VEGFD: variants seen among roughly 807,000 people sequenced by gnomAD.
VEGFD encodes the protein vascular endothelial growth factor D.
Under a neutral mutation model 28.0 loss-of-function variants are expected in VEGFD, and 26 were observed. The observed-to-expected ratio is 0.93, with a 90% confidence interval of 0.68 to 1.29. The LOEUF (loss-of-function observed/expected upper bound fraction) is 1.29. VEGFD is among the 50% of genes most tolerant of loss of function. The pLI, the probability that VEGFD is intolerant of heterozygous loss-of-function variation, is 0.00. For missense variants in VEGFD, 294 were observed against 273.4 expected (o/e 1.08, Z -0.53); for synonymous variants, 93 against 95.5 (o/e 0.97, Z 0.15).
intron 5 of VEGFD, among the ~76,000 whole-genome samples, chrX:15,347,941 T>G (rs1353351770): frequency 4.4e-5 from 5 of 112,532 alleles, no homozygotes; most frequent in African/African-American, 1.6e-4. Flanking sequence ...GTTTTTGACA[T>G]ACTCATCTGA....
intron 1 of VEGFD, among the ~76,000 whole-genome samples, chrX:15,378,799 T>A (rs1923497758): frequency 8.9e-6 from 1 of 111,908 alleles, no homozygotes; most frequent in Non-Finnish European, 1.9e-5. Flanking sequence ...TGAAACAATT[T>A]TTTTTTTAAT....
intron 2 of VEGFD, among the ~76,000 whole-genome samples, chrX:15,359,391 TTTTAC>T (rs1290312118): frequency 5.9e-5 from 6 of 102,124 alleles, no homozygotes; most frequent in Non-Finnish European, 1.2e-4. Context: ...TTTTAGCTTA[TTTTAC>T]TTTAAGTTCT....
At chrX:15,366,056 G>C (rs1054410906) in intron 1 of VEGFD, among the ~76,000 whole-genome samples, 4 of 111,812 alleles carry the variant, frequency 3.6e-5, no homozygotes, top group Non-Finnish European at 7.5e-5. Context: ...GCCCAGGCTA[G>C]AGTGCAGTGG....
chrX:15,380,201 A>G (rs1440185228), intron 1 of VEGFD, among the ~76,000 whole-genome samples: 4 of 112,710 alleles, frequency 3.5e-5, no homozygotes, highest in Non-Finnish European at 7.5e-5. Context: ...AAGTCAATGG[A>G]CTTCCCTGTA....
intron 2 of VEGFD, among the ~76,000 whole-genome samples, chrX:15,360,615 G>A (rs777082879): frequency 3.5e-4 from 39 of 111,547 alleles, no homozygotes; most frequent in African/African-American, 1.2e-3. Context: ...GGGATTAAAG[G>A]CGTGAGCCAC....
chrX:15,365,995 AGTTT>A (rs569822664), intron 1 of VEGFD, among the ~76,000 whole-genome samples: 88 of 109,171 alleles, frequency 8.1e-4, no homozygotes, highest in African/African-American at 1.2e-3. Context: ...TATTCTTCCT[AGTTT>A]GTTTGTTTGT....
chrX:15,363,029 C>T (rs919467075), intron 2 of VEGFD, 80 bp downstream of exon 2: 91 of 942,310 alleles, frequency 9.7e-5, no homozygotes, highest in East Asian at 6.6e-4. Context: ...GTCTGCCCTA[C>T]GCAGACTTTT....
intron 5 of VEGFD, among the ~76,000 whole-genome samples, chrX:15,350,767 TTC>T (rs1365427459): frequency 2.1e-5 from 2 of 96,002 alleles, no homozygotes; most frequent in Non-Finnish European, 4.1e-5. Context: ...TTTCTTTCTT[TTC>T]TTTCTTTCTT....
chrX:15,366,061 C>G (rs1435378217), intron 1 of VEGFD, among the ~76,000 whole-genome samples: 1 of 111,850 alleles, frequency 8.9e-6, no homozygotes, highest in Non-Finnish European at 1.9e-5. Flanking sequence ...GGCTAGAGTG[C>G]AGTGGCGCGA....
rs188371231 is a variant in VEGFD at position 15,379,408 on chromosome X, T to C, written c.90+4449A>G. On this transcript the variant is annotated intron_variant, in intron 1 of 6. Transcript: ENST00000297904. Reference sequence around the variant, plus strand: ...AATGAGAGACTAGGCAGATTCTTTATGAACTAGGACATCACAACCAGCTAA... The same window carrying C: ...AATGAGAGACTAGGCAGATTCTTTACGAACTAGGACATCACAACCAGCTAA... Among the ~76,000 whole-genome samples, 601 of 111,957 alleles carry C rather than the reference T, an allele frequency of 5.4e-3. 5 individuals carry two copies. Among genetic ancestry groups the C allele is most frequent in the African/African-American group, 0.018 (561 of 30,833 alleles).
intron 5 of VEGFD, among the ~76,000 whole-genome samples, chrX:15,347,943 C>T (rs188252484): frequency 5.3e-4 from 59 of 112,360 alleles, no homozygotes; most frequent in African/African-American, 1.5e-3. Flanking sequence ...TTTTGACATA[C>T]TCATCTGACA....
At chrX:15,370,860 G>A (rs1923289527) in intron 1 of VEGFD, among the ~76,000 whole-genome samples, 1 of 109,539 alleles carries the variant, frequency 9.1e-6, no homozygotes, top group South Asian at 3.9e-4. Flanking sequence ...GGGCTCCCTA[G>A]GCCCTTCCCT....
chrX:15,352,254 T>G (rs371359660), intron 5 of VEGFD, among the ~76,000 whole-genome samples: 5 of 112,118 alleles, frequency 4.5e-5, no homozygotes, highest in African/African-American at 1.6e-4. Context: ...TGTTCTTGCT[T>G]ATAGATTATA....
intron 2 of VEGFD, among the ~76,000 whole-genome samples, chrX:15,359,773 T>C (rs943666156): frequency 8.9e-6 from 1 of 111,767 alleles, no homozygotes; most frequent in African/African-American, 3.3e-5. Flanking sequence ...CTGTGAGGAA[T>C]TGAGTCCTGC....
intron 4 of VEGFD, among the ~76,000 whole-genome samples, chrX:15,353,530 G>A (rs1370877881): frequency 6.3e-5 from 7 of 111,714 alleles, no homozygotes; most frequent in East Asian, 2.8e-4. Flanking sequence ...ACCTGAGGTC[G>A]GGAGTTCGAG....
At position 15,355,381 on chromosome X, in the gene VEGFD, T is replaced by C. The variant is rs1922843235; in HGVS notation, c.493-83A>G. On this transcript the variant is annotated intron_variant, in intron 3 of 6. Transcript: ENST00000297904. ...AGTTGTTCTAGTCTGAATTTTTGCC[T>C]TTGTCATTTACGGCAATGACTTTAG... 3 of 858,066 alleles carry C rather than the reference T, an allele frequency of 3.5e-6. No individual in the cohort carries two copies. The Admixed American group carries it at 1.3e-4, about 39-fold the overall frequency. The allele number at this position is 858,066 out of a possible 1,213,427, so 70.7% of individuals were successfully genotyped here.
At chrX:15,361,091 A>C (rs773105586) in intron 2 of VEGFD, among the ~76,000 whole-genome samples, 41 of 112,549 alleles carry the variant, frequency 3.6e-4, no homozygotes, top group African/African-American at 1.3e-3. Context: ...TTAGTAAATA[A>C]CTTCAGATGA....
At chrX:15,366,876 G>A (rs1923160218) in intron 1 of VEGFD, among the ~76,000 whole-genome samples, 1 of 112,275 alleles carries the variant, frequency 8.9e-6, no homozygotes, top group Non-Finnish European at 1.9e-5. Flanking sequence ...TGCCATTTCT[G>A]TAAATGATTG....
rs149259363 is a variant in VEGFD at position 15,355,263 on chromosome X, A to G, written c.528T>C (p.Pro176=). ...TGGCAACTTTAACAGGCACTAATTC[A>G]GGTACTGATGTCAAAGGCACTGATA... is the stretch of plus-strand genomic sequence containing the variant. ...FEISVPLTSV[P]ELVPVKVANH... Residue 176 remains proline (P), a synonymous_variant, in exon 4 of 7, where the codon CCT becomes CCC. Transcript: ENST00000297904. The G allele has an allele frequency of 1.3e-5, 16 of 1,198,039 alleles. No homozygotes were observed. Among genetic ancestry groups the G allele is most frequent in the Admixed American group, 9.0e-5 (4 of 44,392 alleles).
Sources: allele counts gnomAD v4.1 joint callset (sites outside exome capture counted in the v4.1 genomes callset), GRCh38; gene constraint gnomAD v4.1.1; transcripts MANE v1.5; gene names NCBI Gene and HGNC (gene_info 2026-07-23, HGNC 2026-07-21).